BABAM2: variants seen among roughly 807,000 people sequenced by gnomAD.
BABAM2 encodes BRISC and BRCA1 A complex member 2.
Under a neutral mutation model 54.7 loss-of-function variants are expected in BABAM2, and 31 were observed. The observed-to-expected ratio is 0.57, with a 90% confidence interval of 0.43 to 0.77. The LOEUF is 0.77. BABAM2 is among the 30% of genes least tolerant of loss of function. The pLI, the probability that BABAM2 is intolerant of heterozygous loss-of-function variation, is 0.00. For missense variants in BABAM2, 364 were observed against 455.8 expected, an observed-to-expected ratio of 0.80 and a Z score of 1.83; for synonymous variants, 167 against 162.9, an observed-to-expected ratio of 1.03 and a Z score of -0.19.
chr2:28,175,340 C>T (rs1206025250), intron 7 of BABAM2, among the ~76,000 whole-genome samples: 1 of 152,190 alleles, frequency 6.6e-6, no homozygotes, highest in Non-Finnish European at 1.5e-5. Flanking sequence ...CACCTGGGGG[C>T]CTGAGGATCA....
At chr2:28,234,439 A>C (rs1681717213) in intron 7 of BABAM2, among the ~76,000 whole-genome samples, 1 of 152,012 alleles carries the variant, frequency 6.6e-6, no homozygotes, top group Admixed American at 6.6e-5. Flanking sequence ...GACACAATCC[A>C]AGCAGAGAGA....
At chr2:28,012,256 A>C (rs1288868756) in intron 4 of BABAM2, among the ~76,000 whole-genome samples, 1 of 152,220 alleles carries the variant, frequency 6.6e-6, no homozygotes, top group Non-Finnish European at 1.5e-5. Context: ...AATTTGAATT[A>C]AGTTAGAAAT....
intron 6 of BABAM2, among the ~76,000 whole-genome samples, chr2:28,077,543 T>C (rs1195203427): frequency 5.3e-5 from 8 of 152,168 alleles, no homozygotes; most frequent in Non-Finnish European, 1.2e-4. Flanking sequence ...CCCAAATAAA[T>C]ATTATTTTAG....
At chr2:27,905,230 A>T (rs1485425583) in intron 2 of BABAM2, among the ~76,000 whole-genome samples, 1 of 152,134 alleles carries the variant, frequency 6.6e-6, no homozygotes, top group Non-Finnish European at 1.5e-5. Context: ...TTGGCTGGGG[A>T]GGGTCAGGTG....
chr2:28,251,426 G>C (rs1361497745), intron 10 of BABAM2, among the ~76,000 whole-genome samples: 5 of 152,148 alleles, frequency 3.3e-5, no homozygotes, highest in Admixed American at 6.5e-5. Context: ...CTTCTGCCGA[G>C]CTCTGATTTT....
At chr2:28,036,765 A>G (rs188345984) in intron 5 of BABAM2, among the ~76,000 whole-genome samples, 2 of 152,316 alleles carry the variant, frequency 1.3e-5, no homozygotes, top group African/African-American at 4.8e-5. Flanking sequence ...GTTTGTTCAA[A>G]TTAGTTTGAA....
At chr2:28,324,267 A>G (rs759202906) in intron 11 of BABAM2, among the ~76,000 whole-genome samples, 1 of 152,164 alleles carries the variant, frequency 6.6e-6, no homozygotes, top group African/African-American at 2.4e-5. Flanking sequence ...TTTAGAAATT[A>G]TTTATCTTGC....
At chr2:28,315,730 C>T (rs1432682852) in intron 11 of BABAM2, among the ~76,000 whole-genome samples, 1 of 151,602 alleles carries the variant, frequency 6.6e-6, no homozygotes, top group Non-Finnish European at 1.5e-5. Context: ...TGGGCTCAAT[C>T]AATCCTCCCA....
At chr2:28,145,857 T>C (rs535708861) in intron 7 of BABAM2, among the ~76,000 whole-genome samples, 11 of 152,354 alleles carry the variant, frequency 7.2e-5, no homozygotes, top group Non-Finnish European at 2.9e-5. Context: ...CTGACTTCTT[T>C]TTTTTAGCAT....
At chr2:28,114,613 G>A (rs577167051) in intron 6 of BABAM2, among the ~76,000 whole-genome samples, 1 of 152,220 alleles carries the variant, frequency 6.6e-6, no homozygotes, top group East Asian at 1.9e-4. Flanking sequence ...TGCCTTACAC[G>A]TGGTTGGCAA....
At chr2:28,076,062 G>A (rs971829150) in intron 6 of BABAM2, among the ~76,000 whole-genome samples, 1 of 152,080 alleles carries the variant, frequency 6.6e-6, no homozygotes, top group Non-Finnish European at 1.5e-5. Flanking sequence ...CCACGAGTTA[G>A]AGAGCAGCCT....
intron 3 of BABAM2, among the ~76,000 whole-genome samples, chr2:27,952,546 CACCAAT>C (rs1669809142): frequency 6.6e-6 from 1 of 152,150 alleles, no homozygotes; most frequent in Non-Finnish European, 1.5e-5. Context: ...ATCCAGAGGG[CACCAAT>C]GTATTTATGT....
intron 7 of BABAM2, among the ~76,000 whole-genome samples, chr2:28,219,287 C>T (rs929634066): frequency 6.6e-6 from 1 of 152,226 alleles, no homozygotes; most frequent in African/African-American, 2.4e-5. Flanking sequence ...CCTTATTTGG[C>T]TCATAGCCCC....
chr2:27,988,163 A>G (rs996557921), intron 4 of BABAM2, 76 bp downstream of exon 4: 6 of 1,382,336 alleles, frequency 4.3e-6, no homozygotes, highest in African/African-American at 4.3e-5. Flanking sequence ...CAGTTGCTTA[A>G]CAGATAGATT....
chr2:27,944,377 C>T (rs1265101063), intron 3 of BABAM2, among the ~76,000 whole-genome samples: 2 of 152,314 alleles, frequency 1.3e-5, no homozygotes, highest in Middle Eastern at 6.8e-3. Flanking sequence ...CTTACCCACA[C>T]AAATCGGTCC....
intron 7 of BABAM2, among the ~76,000 whole-genome samples, chr2:28,173,033 T>C (rs1573748639): frequency 6.6e-6 from 1 of 152,286 alleles, no homozygotes; most frequent in East Asian, 1.9e-4. Context: ...AACTGTCTGG[T>C]TTCCGGTCTT....
At chr2:28,245,615 T>A (rs1682848584) in intron 10 of BABAM2, among the ~76,000 whole-genome samples, 1 of 152,212 alleles carries the variant, frequency 6.6e-6, no homozygotes, top group Non-Finnish European at 1.5e-5. Flanking sequence ...GCAAGTCAAC[T>A]GAGACCTTCA....
intron 4 of BABAM2, among the ~76,000 whole-genome samples, chr2:28,014,245 T>A (rs1448198353): frequency 6.6e-6 from 1 of 152,108 alleles, no homozygotes; most frequent in Non-Finnish European, 1.5e-5. Context: ...AAAAAAAGAT[T>A]CTTTTCAAAT....
At chr2:28,113,240 C>T (rs961397842) in intron 6 of BABAM2, among the ~76,000 whole-genome samples, 4 of 152,160 alleles carry the variant, frequency 2.6e-5, no homozygotes, top group Non-Finnish European at 5.9e-5. Context: ...TCTTTTGTTG[C>T]CATTGCTTTT....
Sources: gnomAD v4.1 joint callset for allele counts (sites outside exome capture counted in the v4.1 genomes callset) on GRCh38, gnomAD v4.1.1 for gene constraint, MANE v1.5 for transcripts, NCBI Gene and HGNC (gene_info 2026-07-23, HGNC 2026-07-21) for gene names.